The following CRYBA4 variants were observed in gnomAD, a reference collection of about 807,000 sequenced individuals.
CRYBA4 encodes crystallin beta A4, also known as beta-crystallin A4.
Under a neutral mutation model 31.7 loss-of-function variants are expected in CRYBA4, and 30 were observed. The observed-to-expected ratio is 0.95, with a 90% CI of 0.71 to 1.28. The LOEUF (loss-of-function observed/expected upper bound fraction) is 1.28. Among genes scored for constraint, CRYBA4 ranks in the 50% most tolerant of loss-of-function variants. The pLI is 0.00. For synonymous variants in CRYBA4, 102 were observed against 102.3 expected, an observed-to-expected ratio of 1.00 and a Z score of 0.02; for missense variants, 225 against 260.7, an observed-to-expected ratio of 0.86 and a Z score of 0.94.
At chr22:26,621,886 G>A, upstream of CRYBA4, 1 of 759,720 alleles carries the variant, frequency 1.3e-6, no homozygotes, top group South Asian at 6.0e-5. Context: ...CCCAGTTGCT[G>A]AGTCGGGGCT....
At chr22:26,604,576 G>A in the CRYBA4 span, among the ~76,000 whole-genome samples, 2 of 152,210 alleles carry the variant, frequency 1.3e-5, no homozygotes, top group African/African-American at 4.8e-5. Flanking sequence ...GACCTTGGAG[G>A]TTAAGGAGGA....
chr22:26,627,379 T>TC (rs1342328564), intron 4 of CRYBA4, among the ~76,000 whole-genome samples: 2 of 59,388 alleles, frequency 3.4e-5, no homozygotes, highest in Admixed American at 2.1e-4. Flanking sequence ...TTTCTTTCTT[T>TC]CTTTCTTTCT....
At chr22:26,615,457 G>A in the CRYBA4 span, among the ~76,000 whole-genome samples, 1 of 152,124 alleles carries the variant, frequency 6.6e-6, no homozygotes, top group Non-Finnish European at 1.5e-5. Flanking sequence ...GCTGTGAAGC[G>A]GTATGGTTTG....
the CRYBA4 span, chr22:26,612,227 AG>A: frequency 7.1e-7 from 1 of 1,415,526 alleles, no homozygotes. Flanking sequence ...GGGCAGAGTG[AG>A]GGGGGAGTCA....
the CRYBA4 span, chr22:26,608,046 C>G: frequency 9.3e-6 from 15 of 1,614,056 alleles, no homozygotes; most frequent in African/African-American, 1.3e-5. Flanking sequence ...GACCATGAGG[C>G]AGACAGGAGA....
chr22:26,610,413 C>A, the CRYBA4 span, among the ~76,000 whole-genome samples: 1 of 152,136 alleles, frequency 6.6e-6, no homozygotes, highest in Non-Finnish European at 1.5e-5. Context: ...CGTTTCCATG[C>A]CCATCAGGCA....
Position 26,622,645 on chromosome 22 carries a change from G to C in CRYBA4, c.39+10G>C. On this transcript the variant is annotated intron_variant, in intron 2 of 5. Coordinates refer to ENST00000354760, the MANE Select transcript of CRYBA4 (RefSeq NM_001886.3). ...AGCGGGACCCTGGAAGGTAGGAAGA[G>C]GCATGGGGAGGGGGTGTTCAGGGGG... 1 of 1,606,752 alleles carries C rather than the reference G, an allele frequency of 6.2e-7. No individual in the cohort carries two copies. Among genetic ancestry groups the C allele is most frequent in the Non-Finnish European group, 8.5e-7 (1 of 1,173,418 alleles).
the CRYBA4 span, among the ~76,000 whole-genome samples, chr22:26,611,535 C>G: frequency 6.7e-6 from 1 of 148,848 alleles, no homozygotes; most frequent in Non-Finnish European, 1.5e-5. Flanking sequence ...ACTGCAGTGG[C>G]GCAATCTCGG....
the CRYBA4 span, among the ~76,000 whole-genome samples, chr22:26,603,389 G>A: frequency 5.3e-5 from 8 of 151,296 alleles, no homozygotes; most frequent in African/African-American, 1.9e-4. Flanking sequence ...AATTAGCCAG[G>A]TGCAATCACA....
At chr22:26,615,670 C>T in the CRYBA4 span, among the ~76,000 whole-genome samples, 2 of 152,102 alleles carry the variant, frequency 1.3e-5, no homozygotes, top group Non-Finnish European at 2.9e-5. Context: ...CCCACCACTA[C>T]GCCTGGCTAA....
chr22:26,614,733 T>G, the CRYBA4 span, among the ~76,000 whole-genome samples: 1 of 152,198 alleles, frequency 6.6e-6, no homozygotes, highest in East Asian at 1.9e-4. Context: ...GGCTCACACC[T>G]ATAATTCCAG....
intron 4 of CRYBA4, among the ~76,000 whole-genome samples, chr22:26,628,043 GT>G (rs1929805814): frequency 2.6e-5 from 4 of 151,866 alleles, no homozygotes; most frequent in African/African-American, 9.7e-5. Flanking sequence ...TTGTTTGTTT[GT>G]TTTTGAAAAA....
the CRYBA4 span, chr22:26,616,381 G>T: frequency 1.5e-6 from 2 of 1,368,630 alleles, no homozygotes; most frequent in Non-Finnish European, 2.1e-6. Flanking sequence ...CCCCCAAACT[G>T]CCTCCTGCCC....
chr22:26,619,682 T>TG (rs919420123), upstream of CRYBA4, among the ~76,000 whole-genome samples: 3 of 152,214 alleles, frequency 2.0e-5, no homozygotes, highest in Admixed American at 6.5e-5. Flanking sequence ...CCTTTCATCC[T>TG]GGGCCAAGAC....
chr22:26,608,092 C>A, the CRYBA4 span: 10 of 1,611,218 alleles, frequency 6.2e-6, no homozygotes, highest in African/African-American at 9.3e-5. Context: ...CCCTACTTGC[C>A]TTTCTCTCTC....
intron 4 of CRYBA4, 42 bp downstream of exon 4, chr22:26,625,664 C>T (rs779874866): frequency 3.5e-5 from 56 of 1,600,732 alleles, no homozygotes; most frequent in Non-Finnish European, 4.6e-5. Context: ...GCCCAAGCCC[C>T]TCATGTGGGC....
chr22:26,592,799 G>T, the CRYBA4 span, among the ~76,000 whole-genome samples: 1 of 152,180 alleles, frequency 6.6e-6, no homozygotes, highest in Non-Finnish European at 1.5e-5. Flanking sequence ...TGGTTTGGAG[G>T]GTGTTGAAAT....
the CRYBA4 span, among the ~76,000 whole-genome samples, chr22:26,604,427 A>T: frequency 1.3e-5 from 2 of 152,254 alleles, no homozygotes; most frequent in South Asian, 4.1e-4. Context: ...TAGGAGGAAG[A>T]GGAGCCCAGA....
chr22:26,599,406 G>A, the CRYBA4 span: 26 of 1,457,314 alleles, frequency 1.8e-5, no homozygotes, highest in Non-Finnish European at 2.4e-5. Flanking sequence ...TTGGCTTTAG[G>A]GAATTTTATT....
Sources: gnomAD v4.1 joint callset for allele counts (sites outside exome capture counted in the v4.1 genomes callset) on GRCh38, gnomAD v4.1.1 for gene constraint, MANE v1.5 for transcripts, NCBI Gene and HGNC (gene_info 2026-07-23, HGNC 2026-07-21) for gene names.